The following EFR3B variants were observed in gnomAD, a reference collection of about 807,000 sequenced individuals.
EFR3B encodes EFR3 homolog B.
Under a neutral mutation model 104.7 loss-of-function variants are expected in EFR3B, and 64 were observed. That is an observed-to-expected ratio of 0.61 (90% CI 0.50 to 0.75). The LOEUF (loss-of-function observed/expected upper bound fraction) is 0.75. Among genes scored for constraint, EFR3B ranks in the 30% least tolerant of loss-of-function variants. The pLI is 0.00. For synonymous variants in EFR3B, 385 were observed against 417.9 expected (o/e 0.92, Z 0.96); for missense variants, 750 against 1,078.5 (o/e 0.70, Z 4.27).
In EFR3B at chr2:25,081,479, C is replaced by T. The variant is rs1435753939; in HGVS notation, c.8-9846C>T. The T allele has an allele frequency of 3.5e-6, 5 of 1,440,240 alleles. No individual in the cohort carries two copies. The African/African-American group carries it at 5.6e-5, about 16-fold the overall frequency. The allele number at this position is 1,440,240 out of a possible 1,614,324, so 89.2% of individuals were successfully genotyped here. ...GATTTTGCCACATATCCTTTGGAAA[C>T]GGAGACACCAGCTTCTTGCAATAAT... On this transcript the variant is annotated intron_variant, in intron 1 of 22. Transcript: ENST00000403714.
At position 25,135,622 on chromosome 2, in the gene EFR3B, C is replaced by A. The variant is rs536585453; in HGVS notation, c.1467C>A (p.His489Gln). Residue 489 changes from histidine to glutamine, a missense_variant, in exon 13 of 23, where the codon CAC (histidine) becomes CAA (glutamine). By Grantham distance (24) the His-to-Gln change is conservative (BLOSUM62 0). Transcript: ENST00000403714. Reference sequence around the variant, plus strand: ...TCATTGATCGTCATGGCAACCGCCACAAGTTCTCTACCATCAGGTGAACTT... The same window carrying A: ...TCATTGATCGTCATGGCAACCGCCAAAAGTTCTCTACCATCAGGTGAACTT... Reference protein sequence around the residue: ...ISFIDRHGNRHKFSTISTLSD... With the variant: ...ISFIDRHGNRQKFSTISTLSD... 7.0e-5 allele frequency: 108 copies of A among 1,552,200 alleles called. No homozygotes were observed. In the South Asian group the frequency reaches 1.2e-3, roughly 17 times the overall value.
chr2:25,084,300 G>A (rs1201493501), intron 1 of EFR3B, among the ~76,000 whole-genome samples: 2 of 151,754 alleles, frequency 1.3e-5, no homozygotes, highest in East Asian at 1.9e-4. Flanking sequence ...GCAGTGGTGC[G>A]ATCTCGGCTC....
chr2:25,060,915 C>T (rs1217880704), intron 1 of EFR3B, among the ~76,000 whole-genome samples: 1 of 123,392 alleles, frequency 8.1e-6, no homozygotes, highest in Non-Finnish European at 1.7e-5. Context: ...GACGAGACTC[C>T]GAATCAAAAA....
chr2:25,046,500 CAA>C (rs1419467767), intron 1 of EFR3B, among the ~76,000 whole-genome samples: 3 of 122,220 alleles, frequency 2.5e-5, no homozygotes, highest in South Asian at 3.2e-4. Context: ...CCCTGAAGTA[CAA>C]AGTCTTTTTT....
intron 2 of EFR3B, among the ~76,000 whole-genome samples, 168 bp from the exon 3 acceptor site, chr2:25,092,835 A>C (rs1323396847): frequency 1.3e-5 from 2 of 152,208 alleles, no homozygotes; most frequent in African/African-American, 4.8e-5. Flanking sequence ...CCTATAACTA[A>C]AACTATGTTT....
chr2:25,065,745 C>G (rs558414091), intron 1 of EFR3B, among the ~76,000 whole-genome samples: 1 of 152,326 alleles, frequency 6.6e-6, no homozygotes, highest in South Asian at 2.1e-4. Context: ...CCTAAGCTGC[C>G]AGGACTCAGT....
chr2:25,131,315 C>T lies in EFR3B; in HGVS notation c.850-53C>T. 6.5e-7 allele frequency: 1 copy of T among 1,537,622 alleles called. No individual in the cohort carries two copies. The highest frequency in any genetic ancestry group is 1.4e-5 in the African/African-American group (1 of 72,944). On this transcript the variant is annotated intron_variant, in intron 8 of 22. Transcript: ENST00000403714. This position sits in a 1 kb window ranked among gnomAD's most constrained non-coding sequence, Gnocchi z 7.6. ...TGGGTGCCAGGAGAGGGCTGCGCAG[C>T]CCAGGGACCCCGTGGGGTTGCTGTC...
At chr2:25,121,325 C>T (rs561177287) in intron 4 of EFR3B, among the ~76,000 whole-genome samples, 1 of 152,168 alleles carries the variant, frequency 6.6e-6, no homozygotes, top group Non-Finnish European at 1.5e-5. Context: ...ACTCAGGTTC[C>T]GTATTATTCC....
intron 12 of EFR3B, 109 bp from the exon 13 acceptor site, chr2:25,135,358 A>C: frequency 2.3e-6 from 3 of 1,300,922 alleles, no homozygotes; most frequent in Non-Finnish European, 2.1e-6. Context: ...GGCGATGTCT[A>C]GAGAGGATGT....
intron 1 of EFR3B, among the ~76,000 whole-genome samples, chr2:25,052,161 G>T (rs1667889001): frequency 6.6e-6 from 1 of 151,368 alleles, no homozygotes; most frequent in African/African-American, 2.4e-5. Context: ...ACACCATTGG[G>T]CTCCAGCCTG....
chr2:25,092,234 A>C (rs1020206920), intron 2 of EFR3B, among the ~76,000 whole-genome samples: 7 of 151,342 alleles, frequency 4.6e-5, no homozygotes, highest in Non-Finnish European at 8.8e-5. Flanking sequence ...ATGCCCAGCT[A>C]ATTTTTTGTA....
rs539391358 is a variant in EFR3B, at chr2:25,131,324, C to T, written c.850-44C>T. ...GGAGAGGGCTGCGCAGCCCAGGGAC[C>T]CCGTGGGGTTGCTGTCCAGGCCCAG... On this transcript the variant is annotated intron_variant, in intron 8 of 22. Transcript: ENST00000403714. The surrounding 1 kb of genome is among the most constrained non-coding windows in gnomAD (Gnocchi z 7.6). The T allele has an allele frequency of 1.9e-6, 3 of 1,541,140 alleles. No homozygotes were observed. Among genetic ancestry groups the T allele is most frequent in the Non-Finnish European group, 2.6e-6 (3 of 1,140,588 alleles).
At chr2:25,098,818 T>C (rs1669351597) in intron 3 of EFR3B, among the ~76,000 whole-genome samples, 1 of 149,202 alleles carries the variant, frequency 6.7e-6, no homozygotes, top group Non-Finnish European at 1.5e-5. Flanking sequence ...TTTCCACTCC[T>C]GGTAAGTAGC....
chr2:25,124,027 G>T (rs936992117), intron 5 of EFR3B, among the ~76,000 whole-genome samples: 10 of 152,132 alleles, frequency 6.6e-5, no homozygotes, highest in Non-Finnish European at 1.5e-4. Context: ...GGATCTTCTG[G>T]TGTCAATTTT....
At chr2:25,059,572 CG>C (rs56219617) in intron 1 of EFR3B, among the ~76,000 whole-genome samples, 731 of 60,204 alleles carry the variant, frequency 0.012, 62 homozygotes, top group African/African-American at 0.037. Context: ...CCAGGGACTG[CG>C]GGGGGGGGGG....
intron 1 of EFR3B, among the ~76,000 whole-genome samples, chr2:25,068,737 C>T (rs1486320709): frequency 2.0e-5 from 3 of 150,070 alleles, no homozygotes; most frequent in East Asian, 3.9e-4. Context: ...TCATGCCATT[C>T]TTCTGCCTTA....
intron 4 of EFR3B, among the ~76,000 whole-genome samples, chr2:25,108,114 G>A (rs1669617624): frequency 6.6e-6 from 1 of 152,160 alleles, no homozygotes; most frequent in African/African-American, 2.4e-5. Flanking sequence ...GATTACAGGT[G>A]TGAGCCACCG....
intron 1 of EFR3B, among the ~76,000 whole-genome samples, chr2:25,058,908 T>C (rs1239153749): frequency 6.6e-6 from 1 of 150,748 alleles, no homozygotes; most frequent in Non-Finnish European, 1.5e-5. Context: ...GAGGGAAAAA[T>C]AGAATTACCA....
At chr2:25,081,701 A>G in intron 1 of EFR3B, 1 of 534,190 alleles carries the variant, frequency 1.9e-6, no homozygotes, top group East Asian at 3.0e-5. Context: ...TCCGAGTGAG[A>G]CCCATTCCCT....
Sources: gnomAD v4.1 joint callset for allele counts (sites outside exome capture counted in the v4.1 genomes callset) on GRCh38, gnomAD v4.1.1 for gene constraint, Gnocchi (gnomAD v3.1) non-coding constraint, MANE v1.5 for transcripts, NCBI Gene and HGNC (gene_info 2026-07-23, HGNC 2026-07-21) for gene names.